Variants in WWOX observed in about 807,000 individuals in gnomAD.
The protein encoded by WWOX is WW domain containing oxidoreductase.
Under a neutral mutation model 46.2 loss-of-function variants are expected in WWOX, and 69 were observed. The ratio of observed to expected loss-of-function variants is 1.49; its 90% CI spans 1.23 to 1.82. WWOX has a LOEUF of 1.82. Among genes scored for constraint, WWOX ranks in the 40% most tolerant of loss-of-function variants. WWOX has a pLI of 0.00. For synonymous variants in WWOX, 359 were observed against 202.6 expected, an observed-to-expected ratio of 1.77 and a Z score of -6.56; for missense variants, 919 against 542.6, an observed-to-expected ratio of 1.69 and a Z score of -6.89.
intron 1 of WWOX, among the ~76,000 whole-genome samples, chr16:78,105,158 C>G (rs1228762636): frequency 2.0e-5 from 3 of 152,162 alleles, no homozygotes; most frequent in East Asian, 3.9e-4. Flanking sequence ...CCCAAGGCAG[C>G]CCCGCAACAA....
At chr16:78,472,288 A>T (rs2084241690) in intron 8 of WWOX, among the ~76,000 whole-genome samples, 1 of 152,208 alleles carries the variant, frequency 6.6e-6, no homozygotes, top group South Asian at 2.1e-4. Flanking sequence ...GAATGTGGTC[A>T]GCCTCTTATC....
intron 8 of WWOX, among the ~76,000 whole-genome samples, chr16:79,014,377 C>T (rs192099360): frequency 2.0e-5 from 3 of 152,190 alleles, no homozygotes; most frequent in East Asian, 3.9e-4. Flanking sequence ...CTATTGTCCC[C>T]GAATGGAAAA....
intron 8 of WWOX, among the ~76,000 whole-genome samples, chr16:78,811,117 G>A (rs956832163): frequency 6.6e-6 from 1 of 152,182 alleles, no homozygotes; most frequent in Admixed American, 6.5e-5. Flanking sequence ...GGAATGCAGT[G>A]AACAAATGAT....
At chr16:79,124,900 T>C (rs544221095) in intron 8 of WWOX, among the ~76,000 whole-genome samples, 2 of 152,190 alleles carry the variant, frequency 1.3e-5, no homozygotes, top group African/African-American at 4.8e-5. Flanking sequence ...TATTTTAATT[T>C]AAGGTGGTAT....
chr16:78,666,032 C>T (rs982195057), intron 8 of WWOX, among the ~76,000 whole-genome samples: 1 of 151,838 alleles, frequency 6.6e-6, no homozygotes, highest in East Asian at 2.0e-4. Flanking sequence ...TGCCTGTAAT[C>T]CCAACACTCT....
intron 8 of WWOX, among the ~76,000 whole-genome samples, chr16:78,869,088 T>G (rs1211669361): frequency 2.0e-5 from 3 of 152,182 alleles, no homozygotes; most frequent in Non-Finnish European, 4.4e-5. Context: ...TTTATTTACA[T>G]TAGTTTTGAT....
chr16:78,888,064 C>T (rs915532290), intron 8 of WWOX, among the ~76,000 whole-genome samples: 1 of 152,192 alleles, frequency 6.6e-6, no homozygotes, highest in African/African-American at 2.4e-5. Flanking sequence ...AGCTGTCAGC[C>T]ATGAATATTT....
chr16:79,170,024 C>T (rs2050670110), intron 8 of WWOX, among the ~76,000 whole-genome samples: 1 of 152,156 alleles, frequency 6.6e-6, no homozygotes. Flanking sequence ...CATTACCCCT[C>T]CTAAAAGGAG....
intron 8 of WWOX, among the ~76,000 whole-genome samples, chr16:78,658,997 C>T (rs1057387631): frequency 2.7e-5 from 4 of 147,636 alleles, no homozygotes; most frequent in Admixed American, 1.4e-4. Context: ...GAGGCTGAGG[C>T]AGAAGAATCC....
intron 4 of WWOX, among the ~76,000 whole-genome samples, chr16:78,129,355 C>G (rs144091837): frequency 6.6e-6 from 1 of 152,110 alleles, no homozygotes; most frequent in African/African-American, 2.4e-5. Context: ...TGTCCTGTTG[C>G]TACTATAATG....
intron 4 of WWOX, among the ~76,000 whole-genome samples, chr16:78,147,804 CTTT>C (rs71137876): frequency 5.6e-5 from 8 of 141,906 alleles, no homozygotes; most frequent in African/African-American, 1.6e-4. Flanking sequence ...GAATGAAGGT[CTTT>C]TTTTTTTTTT....
intron 8 of WWOX, among the ~76,000 whole-genome samples, chr16:78,567,861 C>G (rs1443589713): frequency 1.3e-5 from 2 of 152,220 alleles, no homozygotes; most frequent in East Asian, 3.9e-4. Flanking sequence ...GTGTGTCAAG[C>G]CTGCAGCTCG....
chr16:78,768,279 T>TAAACAAAAAAAAAAAAA (rs1555531815), intron 8 of WWOX, among the ~76,000 whole-genome samples: 1 of 91,958 alleles, frequency 1.1e-5, no homozygotes, highest in African/African-American at 4.0e-5. Flanking sequence ...ATAGATGAGT[T>TAAACAAAAAAAAAAAAA]AAAAAAAAAA....
At chr16:78,830,555 C>G (rs1289070256) in intron 8 of WWOX, among the ~76,000 whole-genome samples, 1 of 152,050 alleles carries the variant, frequency 6.6e-6, no homozygotes, top group Admixed American at 6.5e-5. Context: ...AGATTCCCAG[C>G]ATCTTCTTTC....
At chr16:78,936,364 A>G (rs950041704) in intron 8 of WWOX, among the ~76,000 whole-genome samples, 12 of 152,088 alleles carry the variant, frequency 7.9e-5, no homozygotes, top group African/African-American at 2.7e-4. Flanking sequence ...GAACCTTTTG[A>G]AGACCCCAAA....
chr16:78,197,988 C>G (rs942679940), intron 5 of WWOX, among the ~76,000 whole-genome samples: 1 of 151,762 alleles, frequency 6.6e-6, no homozygotes, highest in African/African-American at 2.4e-5. Flanking sequence ...CTTTTTACAG[C>G]AAATTTGTAG....
At chr16:78,268,443 G>T (rs1236690208) in intron 5 of WWOX, among the ~76,000 whole-genome samples, 3 of 152,212 alleles carry the variant, frequency 2.0e-5, no homozygotes, top group Non-Finnish European at 4.4e-5. Flanking sequence ...GCTAACCTTT[G>T]TGGATGAAAT....
intron 5 of WWOX, among the ~76,000 whole-genome samples, chr16:78,218,694 T>C (rs1323811295): frequency 6.6e-6 from 1 of 152,142 alleles, no homozygotes; most frequent in Admixed American, 6.5e-5. Context: ...GAAAGCAAAG[T>C]AGGGAAAGCA....
intron 8 of WWOX, among the ~76,000 whole-genome samples, chr16:78,995,533 C>T (rs777489187): frequency 6.6e-6 from 1 of 151,454 alleles, no homozygotes; most frequent in Non-Finnish European, 1.5e-5. Context: ...ATTCTTCTAA[C>T]TGAAGATAAA....
Sources: allele counts gnomAD v4.1 joint callset (sites outside exome capture counted in the v4.1 genomes callset), GRCh38; gene constraint gnomAD v4.1.1; transcripts MANE v1.5; gene names NCBI Gene and HGNC (gene_info 2026-07-23, HGNC 2026-07-21).